MGA: variants seen among roughly 807,000 people sequenced by gnomAD.
MGA encodes MAX gene-associated protein.
MGA carries 40 observed loss-of-function variants against 261.1 expected under a neutral mutation model. That is an observed-to-expected ratio of 0.15 (90% confidence interval 0.12 to 0.20). The LOEUF (loss-of-function observed/expected upper bound fraction) is 0.20, where lower values mean the gene tolerates loss of function less well. Ranked by LOEUF, MGA falls within the 10% of genes least tolerant of loss-of-function variation. The pLI is 1.00. For missense variants in MGA, 3,397 were observed against 3,630.5 expected (o/e 0.94, Z 1.65); for synonymous variants, 1,302 against 1,290.6 (o/e 1.01, Z -0.19).
chr15:41,760,967 C>G (rs958356470), intron 20 of MGA, among the ~76,000 whole-genome samples: 3 of 152,184 alleles, frequency 2.0e-5, no homozygotes, highest in Admixed American at 6.5e-5. Flanking sequence ...GACGGGGTTT[C>G]TCTATGTTGG....
At chr15:41,694,562 A>T (rs62002067) in intron 2 of MGA, among the ~76,000 whole-genome samples, 113,616 of 149,892 alleles carry the variant, frequency 0.76, 44,144 homozygotes, top group East Asian at 0.89. Flanking sequence ...AGTCTTGCTC[A>T]GTTGCCCAGG....
chr15:41,650,930 A>C (rs540930320), intron 1 of MGA, among the ~76,000 whole-genome samples: 8 of 152,284 alleles, frequency 5.3e-5, no homozygotes, highest in African/African-American at 1.9e-4. Flanking sequence ...TTGTTCTGCT[A>C]TAACAGGATA....
At chr15:41,742,199 C>T (rs2062151647) in intron 14 of MGA, among the ~76,000 whole-genome samples, 1 of 151,360 alleles carries the variant, frequency 6.6e-6, no homozygotes, top group Admixed American at 6.6e-5. Flanking sequence ...ACCAGCCTGA[C>T]CAACATGGAG....
At chr15:41,730,094 A>T (rs909832400) in intron 11 of MGA, among the ~76,000 whole-genome samples, 7 of 151,900 alleles carry the variant, frequency 4.6e-5, no homozygotes, top group South Asian at 2.1e-4. Context: ...GGGTTCCACT[A>T]TGTTGTCCAG....
At chr15:41,732,829 A>G (rs2061580036) in intron 11 of MGA, among the ~76,000 whole-genome samples, 1 of 152,254 alleles carries the variant, frequency 6.6e-6, no homozygotes, top group Non-Finnish European at 1.5e-5. Flanking sequence ...CCTCCTTGGC[A>G]ACAGTGTTCT....
intron 2 of MGA, among the ~76,000 whole-genome samples, chr15:41,677,998 C>T (rs2058471781): frequency 6.6e-6 from 1 of 151,998 alleles, no homozygotes. Flanking sequence ...GAAACCATTG[C>T]CAAATCTAAC....
intron 19 of MGA, among the ~76,000 whole-genome samples, chr15:41,758,738 T>A (rs2063285168): frequency 6.6e-6 from 1 of 152,198 alleles, no homozygotes; most frequent in Non-Finnish European, 1.5e-5. Context: ...TGTTAATGCA[T>A]AATGGGTTTA....
chr15:41,674,949 C>A (rs889010326), intron 2 of MGA, among the ~76,000 whole-genome samples: 4 of 152,222 alleles, frequency 2.6e-5, no homozygotes, highest in African/African-American at 7.2e-5. Context: ...TTTAAATCCT[C>A]CCCTTTTTTT....
At chr15:41,627,283 G>A (rs1184597991) in intron 1 of MGA, among the ~76,000 whole-genome samples, 3 of 152,126 alleles carry the variant, frequency 2.0e-5, no homozygotes, top group African/African-American at 7.2e-5. Flanking sequence ...TTTATCTAAT[G>A]TCACTTTCTT....
chr15:41,691,475 G>T, intron 2 of MGA: 1 of 280,900 alleles, frequency 3.6e-6, no homozygotes, highest in Middle Eastern at 9.9e-4. Flanking sequence ...ATTTACCTGT[G>T]AATAGAGATA....
At chr15:41,753,148 G>A (rs1240340613) in intron 17 of MGA, among the ~76,000 whole-genome samples, 3 of 152,110 alleles carry the variant, frequency 2.0e-5, no homozygotes, top group African/African-American at 7.2e-5. Flanking sequence ...TGTAGCTCTC[G>A]CCTGTAATTC....
At position 41,741,088 on chromosome 15, in the gene MGA, C is replaced by T. The variant is rs191043153; in HGVS notation, c.4585+885C>T. On this transcript the variant is annotated intron_variant, in intron 14 of 23. Transcript: ENST00000219905. ...TTTTGGCCGGGCGCGGTGGCTCACTCCTGTAATTCCAGCACTTTGGGAGGC... is the reference window on the plus strand; with the variant it reads ...TTTTGGCCGGGCGCGGTGGCTCACTTCTGTAATTCCAGCACTTTGGGAGGC... 3.9e-5 allele frequency among the ~76,000 whole-genome samples: 6 copies of T among 152,238 alleles called. No homozygotes were observed. The East Asian group carries it at 1.2e-3, about 29-fold the overall frequency.
intron 5 of MGA, 63 bp from the exon 6 acceptor site, chr15:41,707,665 A>G (rs2060191872): frequency 1.4e-6 from 2 of 1,465,846 alleles, no homozygotes; most frequent in Middle Eastern, 1.8e-4. Context: ...GTTAAAAACA[A>G]AGAAGGGAGA....
At chr15:41,673,944 C>T (rs536504667) in intron 2 of MGA, among the ~76,000 whole-genome samples, 27 of 151,974 alleles carry the variant, frequency 1.8e-4, no homozygotes, top group Admixed American at 9.2e-4. Flanking sequence ...CAGGCTGAAG[C>T]GCAGTGGCGC....
intron 3 of MGA, among the ~76,000 whole-genome samples, chr15:41,697,375 G>A (rs1409899295): frequency 2.6e-5 from 4 of 151,232 alleles, no homozygotes; most frequent in Non-Finnish European, 2.9e-5. Context: ...CTTTGGTGAC[G>A]CTCCATTTCT....
At chr15:41,730,499 G>A (rs774003758) in intron 11 of MGA, among the ~76,000 whole-genome samples, 7 of 151,896 alleles carry the variant, frequency 4.6e-5, no homozygotes, top group Non-Finnish European at 8.8e-5. Flanking sequence ...TCAATAATAG[G>A]GAATAGTTTT....
At chr15:41,724,651 C>T (rs191683997) in intron 9 of MGA, among the ~76,000 whole-genome samples, 20 of 152,268 alleles carry the variant, frequency 1.3e-4, no homozygotes, top group African/African-American at 4.8e-4. Context: ...TGCCAGTACA[C>T]TCCAGCCTGG....
chr15:41,730,686 A>G (rs561392167), intron 11 of MGA, among the ~76,000 whole-genome samples: 10 of 152,222 alleles, frequency 6.6e-5, no homozygotes, highest in Non-Finnish European at 1.3e-4. Context: ...ATGTGCACAC[A>G]ATAAAGACAA....
chr15:41,757,872 T>G, intron 19 of MGA, 33 bp downstream of exon 19: 1 of 1,521,574 alleles, frequency 6.6e-7, no homozygotes, highest in South Asian at 1.1e-5. Context: ...TAATTACTCA[T>G]TGAATAAAAT....
Sources: gnomAD v4.1 joint callset for allele counts (sites outside exome capture counted in the v4.1 genomes callset) on GRCh38, gnomAD v4.1.1 for gene constraint, MANE v1.5 for transcripts, NCBI Gene and HGNC (gene_info 2026-07-23, HGNC 2026-07-21) for gene names.